The following PLEKHH2 variants were observed in gnomAD, a reference collection of about 807,000 sequenced individuals.
PLEKHH2 encodes the protein pleckstrin homology, MyTH4 and FERM domain containing H2, also known as pleckstrin homology domain-containing family H member 2.
Under a neutral mutation model 187.9 loss-of-function variants are expected in PLEKHH2, and 129 were observed. That is an observed-to-expected ratio of 0.69 (90% CI 0.59 to 0.79). The LOEUF (loss-of-function observed/expected upper bound fraction) is 0.79. PLEKHH2 is among the 30% of genes least tolerant of loss of function. The pLI is 0.00. For synonymous variants in PLEKHH2, 686 were observed against 605.6 expected (o/e 1.13, Z -1.95); for missense variants, 2,076 against 1,751.2 (o/e 1.19, Z -3.31).
At chr2:43,763,879 A>G (rs1050071613) in intron 28 of PLEKHH2, among the ~76,000 whole-genome samples, 6 of 152,168 alleles carry the variant, frequency 3.9e-5, no homozygotes, top group African/African-American at 1.4e-4. Context: ...AATATGGCTT[A>G]ACCTAACATA....
At chr2:43,704,117 T>A in intron 9 of PLEKHH2, 61 bp downstream of exon 9, 1 of 1,174,030 alleles carries the variant, frequency 8.5e-7, no homozygotes, top group African/African-American at 1.5e-5. Context: ...TAAGGGATAG[T>A]ATAATACAAA....
At chr2:43,732,900 C>T (rs544635478) in intron 19 of PLEKHH2, among the ~76,000 whole-genome samples, 14 of 152,308 alleles carry the variant, frequency 9.2e-5, no homozygotes, top group Admixed American at 5.2e-4. Context: ...TGTAGTCTGA[C>T]GCCAATAAAA....
At chr2:43,744,078 A>G (rs1671680243) in intron 23 of PLEKHH2, 89 bp downstream of exon 23, 2 of 1,503,702 alleles carry the variant, frequency 1.3e-6, no homozygotes, top group African/African-American at 1.4e-5. Context: ...AAGAAGTTTA[A>G]TTCAGGAGTT....
In PLEKHH2 at chr2:43,649,301, T is replaced by G. The variant is rs557880596; in HGVS notation, c.123+4505T>G. On this transcript the variant is annotated intron_variant, in intron 2 of 29. Coordinates refer to ENST00000282406, the MANE Select transcript of PLEKHH2 (RefSeq NM_172069.4). ...GAGTCAGGGAGGGAAAAAGGAAAGT[T>G]TCTTTGTCAGTTGAAGTGAAATGTT... Among the ~76,000 whole-genome samples the G allele has an allele frequency of 2.0e-4, 30 of 152,344 alleles. No individual in the cohort carries two copies. In the South Asian group the frequency reaches 6.0e-3, roughly 31 times the overall value.
chr2:43,703,916 C>CTTTTTTTTT, intron 8 of PLEKHH2, 65 bp from the exon 9 acceptor site: 1 of 384,604 alleles, frequency 2.6e-6, no homozygotes, highest in Admixed American at 4.0e-5. Flanking sequence ...TGAAAGTAGT[C>CTTTTTTTTT]TTTTTTTTTT....
At chr2:43,649,678 T>C (rs181611328) in intron 2 of PLEKHH2, among the ~76,000 whole-genome samples, 19 of 152,376 alleles carry the variant, frequency 1.2e-4, no homozygotes, top group African/African-American at 4.3e-4. Flanking sequence ...ATACTAACAA[T>C]GGGACCGTAT....
chr2:43,706,242 C>A, intron 9 of PLEKHH2, 80 bp from the exon 10 acceptor site: 1 of 946,048 alleles, frequency 1.1e-6, no homozygotes, highest in Non-Finnish European at 1.7e-6. Flanking sequence ...GGAGATTATG[C>A]TCATTTGTAT....
intron 2 of PLEKHH2, chr2:43,675,398 G>A: frequency 1.3e-6 from 2 of 1,596,764 alleles, no homozygotes; most frequent in East Asian, 4.5e-5. Flanking sequence ...GAACCAACTG[G>A]AGGCAAGAAA....
rs200003692 is a variant in PLEKHH2 at position 43,720,704 on chromosome 2, A to G, written c.2496A>G (p.Thr832=). ...KHGYSKRVWC[T]LIGKTLYYFR... is the part of the protein sequence containing the mutation. ...GATATTCCAAGAGAGTCTGGTGTAC[A>G]CTAATAGGAAAGACATTATATTATT... Residue 832 remains threonine (T), a synonymous_variant, in exon 16 of 30, where the codon ACA becomes ACG. Transcript: ENST00000282406. The G allele has an allele frequency of 4.8e-5, 78 of 1,609,486 alleles. No homozygotes were observed. The East Asian group carries it at 1.7e-3, about 35-fold the overall frequency.
At chr2:43,755,138 G>A (rs1267266796) in intron 25 of PLEKHH2, among the ~76,000 whole-genome samples, 1 of 152,098 alleles carries the variant, frequency 6.6e-6, no homozygotes, top group African/African-American at 2.4e-5. Context: ...CTCCCAAAGT[G>A]CTAGGATTAC....
rs1365554110 is a variant in PLEKHH2, at chr2:43,712,231, A to G, written c.2308A>G (p.Thr770Ala). 1 of 1,612,636 alleles carries G rather than the reference A, an allele frequency of 6.2e-7. No homozygotes were observed. The highest frequency in any genetic ancestry group is 8.5e-7 in the Non-Finnish European group (1 of 1,178,672). The change falls in exon 15 of 30, where the codon ACT (threonine) becomes GCT (alanine). Residue 770 changes from threonine to alanine, a missense_variant. By Grantham distance (58) the Thr-to-Ala change is moderately conservative. Transcript: ENST00000282406. ...CTTTCTCGTTGCATTCTAGTTGACCACTGAAAAACACACATACTATCTGAC... is the reference window on the plus strand; with the variant it reads ...CTTTCTCGTTGCATTCTAGTTGACCGCTGAAAAACACACATACTATCTGAC... ...GDNKQTVQLT[T>A]EKHTYYLTAD... is the part of the protein sequence containing the mutation.
chr2:43,683,025 T>C (rs889621022), intron 3 of PLEKHH2, among the ~76,000 whole-genome samples: 2 of 152,178 alleles, frequency 1.3e-5, no homozygotes, highest in African/African-American at 4.8e-5. Context: ...CTGCCCTCGA[T>C]GTCTCCTGTG....
intron 2 of PLEKHH2, among the ~76,000 whole-genome samples, chr2:43,647,440 GC>G (rs1033078166): frequency 6.6e-6 from 1 of 152,152 alleles, no homozygotes; most frequent in African/African-American, 2.4e-5. Context: ...AGCCTATATG[GC>G]CTTTCTAATT....
intron 15 of PLEKHH2, among the ~76,000 whole-genome samples, chr2:43,717,084 T>C (rs543076816): frequency 2.6e-5 from 4 of 152,124 alleles, no homozygotes; most frequent in Admixed American, 1.3e-4. Context: ...TAGAATAAAA[T>C]GGAAGGATCA....
chr2:43,732,018 G>C (rs190421881), intron 19 of PLEKHH2, among the ~76,000 whole-genome samples: 1 of 152,026 alleles, frequency 6.6e-6, no homozygotes. Context: ...ATGCAACTTC[G>C]CACTCTTTAT....
rs1462113746 is a variant in PLEKHH2 at position 43,738,450 on chromosome 2, A to G, written c.3053A>G (p.Asn1018Ser). The change falls in exon 20 of 30, where the codon AAT (asparagine) becomes AGT (serine). Residue 1018 changes from asparagine (N) to serine (S), a missense_variant. Coordinates refer to ENST00000282406, the MANE Select transcript of PLEKHH2 (RefSeq NM_172069.4). ...QICLTHPELQ[N>S]EICCQLIKQT... Reference sequence around the variant, plus strand: ...TGCCTGACACATCCTGAGCTGCAGAATGAAATTTGCTGTCAGCTTATTAAA... The same window carrying G: ...TGCCTGACACATCCTGAGCTGCAGAGTGAAATTTGCTGTCAGCTTATTAAA... 1 of 1,614,060 alleles carries G rather than the reference A, an allele frequency of 6.2e-7. No homozygotes were observed. Among genetic ancestry groups the G allele is most frequent in the Admixed American group, 1.7e-5 (1 of 60,018 alleles).
At chr2:43,665,870 T>C in intron 2 of PLEKHH2, among the ~76,000 whole-genome samples, 1 of 128,836 alleles carries the variant, frequency 7.8e-6, no homozygotes, top group African/African-American at 3.2e-5. Context: ...ACCACTGCTC[T>C]CTTCAAAGCT....
intron 26 of PLEKHH2, among the ~76,000 whole-genome samples, chr2:43,758,189 T>G (rs1672290103): frequency 6.6e-6 from 1 of 152,208 alleles, no homozygotes; most frequent in Non-Finnish European, 1.5e-5. Context: ...CTAACATCTC[T>G]CCAAGCCAGG....
At chr2:43,759,082 G>A in intron 27 of PLEKHH2, 53 bp downstream of exon 27, 1 of 1,567,312 alleles carries the variant, frequency 6.4e-7, no homozygotes, top group South Asian at 1.2e-5. Flanking sequence ...GTACATAGTT[G>A]ACCAGATTTA....
Sources: allele counts gnomAD v4.1 joint callset (sites outside exome capture counted in the v4.1 genomes callset), GRCh38; gene constraint gnomAD v4.1.1; transcripts MANE v1.5; gene names NCBI Gene and HGNC (gene_info 2026-07-23, HGNC 2026-07-21).